Variants in PLCB1 observed in about 807,000 individuals in gnomAD.
PLCB1 encodes the protein phospholipase C beta 1, also known as 1-phosphatidylinositol 4,5-bisphosphate phosphodiesterase beta-1.
PLCB1 carries 46 observed loss-of-function variants against 161.8 expected under a neutral mutation model. That is an observed-to-expected ratio of 0.28 (90% CI 0.22 to 0.36). PLCB1 has a LOEUF of 0.36. Ranked by LOEUF, PLCB1 falls within the 10% of genes least tolerant of loss-of-function variation. The pLI, the probability that PLCB1 is intolerant of heterozygous loss-of-function variation, is 1.00. For synonymous variants in PLCB1, 517 were observed against 503.7 expected, an observed-to-expected ratio of 1.03 and a Z score of -0.35; for missense variants, 1,016 against 1,472.5, an observed-to-expected ratio of 0.69 and a Z score of 5.07.
intron 2 of PLCB1, 142 bp from the exon 3 acceptor site, chr20:8,371,240 A>T: frequency 3.4e-6 from 2 of 580,950 alleles, no homozygotes; most frequent in Non-Finnish European, 3.1e-6. Flanking sequence ...TTGAGAAGTG[A>T]TATAAGAGGA....
rs567284752 is a variant in PLCB1, at chr20:8,517,908, G to C, written c.247-110386G>C. On this transcript the variant is annotated intron_variant, in intron 3 of 31. Transcript: ENST00000338037. ...ATTAAAAGTTTATCTTCCTGGCTAG[G>C]CGTGGTGGCTCACACCTGTAATCCT... Among the ~76,000 whole-genome samples the C allele has an allele frequency of 3.9e-5, 6 of 152,292 alleles. No individual in the cohort carries two copies. In the South Asian group the frequency reaches 1.2e-3, roughly 32 times the overall value.
intron 31 of PLCB1, among the ~76,000 whole-genome samples, chr20:8,860,371 C>A (rs1987212943): frequency 6.6e-6 from 1 of 152,196 alleles, no homozygotes; most frequent in Non-Finnish European, 1.5e-5. Flanking sequence ...AACTCAGAGA[C>A]AAGTCCTACC....
intron 2 of PLCB1, among the ~76,000 whole-genome samples, chr20:8,157,970 A>C (rs1207156250): frequency 6.6e-6 from 1 of 152,232 alleles, no homozygotes. Flanking sequence ...AATATAATTT[A>C]ATTACAAAAT....
chr20:8,150,111 A>G (rs566409698), intron 1 of PLCB1, among the ~76,000 whole-genome samples, 183 bp from the exon 2 acceptor site: 5 of 152,220 alleles, frequency 3.3e-5, no homozygotes, highest in Admixed American at 2.0e-4. Context: ...TTAGGAAAGA[A>G]CCTCAGTTAC....
intron 2 of PLCB1, among the ~76,000 whole-genome samples, chr20:8,316,278 T>A (rs1984647198): frequency 6.6e-6 from 1 of 152,286 alleles, no homozygotes; most frequent in South Asian, 2.1e-4. Flanking sequence ...TATATGCTCT[T>A]AGACACATTT....
chr20:8,742,491 A>G (rs909139596), intron 23 of PLCB1, among the ~76,000 whole-genome samples: 1 of 152,164 alleles, frequency 6.6e-6, no homozygotes, highest in Non-Finnish European at 1.5e-5. Flanking sequence ...AGAAAATTTA[A>G]AACGTAAAAA....
At chr20:8,473,916 T>C (rs114728966) in intron 3 of PLCB1, among the ~76,000 whole-genome samples, 1,530 of 152,294 alleles carry the variant, frequency 0.01, 23 homozygotes, top group African/African-American at 0.033. Flanking sequence ...GTGCATTATC[T>C]TTAAAAACAA....
intron 2 of PLCB1, among the ~76,000 whole-genome samples, chr20:8,321,383 G>GC (rs1271746481): frequency 6.6e-6 from 1 of 152,060 alleles, no homozygotes; most frequent in Non-Finnish European, 1.5e-5. Context: ...TCGTTCATTT[G>GC]TTTTTCAGTC....
At position 8,882,343 on chromosome 20, in the gene PLCB1, TTC is replaced by T. The variant is rs1410997807; in HGVS notation, c.*495_*496del. 2 of 162,780 alleles carry T rather than the reference TTC, an allele frequency of 1.2e-5. No homozygotes were observed. Among genetic ancestry groups the T allele is most frequent in the African/African-American group, 4.8e-5 (2 of 41,500 alleles). 10.1% of individuals were successfully genotyped at this position (162,780 alleles called of 1,614,324 possible). A position where few individuals can be genotyped will look rare whatever the true frequency, so the allele number is the denominator to read the frequency against. On this transcript the variant is annotated 3_prime_UTR_variant, in exon 32 of 32. Coordinates refer to ENST00000338037, the MANE Select transcript of PLCB1 (RefSeq NM_015192.4). ...TTCAAGTCAACATGCATATTACATT[TTC>T]ATCCTTTGCTTTGCAAGCACTGGTG...
intron 3 of PLCB1, among the ~76,000 whole-genome samples, chr20:8,405,848 T>C (rs944686720): frequency 9.2e-5 from 14 of 152,238 alleles, no homozygotes; most frequent in Non-Finnish European, 1.8e-4. Flanking sequence ...CTCAAAGTTA[T>C]TTATAATCAT....
At chr20:8,135,986 A>G (rs2051342676) in intron 1 of PLCB1, among the ~76,000 whole-genome samples, 1 of 152,148 alleles carries the variant, frequency 6.6e-6, no homozygotes. Context: ...TGGGCAGGAC[A>G]TGGAGAGAAA....
At chr20:8,448,849 A>G (rs1049521149) in intron 3 of PLCB1, among the ~76,000 whole-genome samples, 3 of 152,184 alleles carry the variant, frequency 2.0e-5, no homozygotes, top group African/African-American at 7.2e-5. Flanking sequence ...GGTCACACAG[A>G]TGGCTTTGAG....
At position 8,616,643 on chromosome 20, in the gene PLCB1, A is replaced by G. The variant is rs139997637; in HGVS notation, c.247-11651A>G. 5.0e-3 allele frequency among the ~76,000 whole-genome samples: 764 copies of G among 152,272 alleles called. 4 individuals are homozygous for G. The highest frequency in any genetic ancestry group is 8.5e-3 in the Non-Finnish European group (577 of 68,018). ...GATAAATAGTAGGTGCTCAATAAAT[A>G]TTTGTTTACTGGATGAATAAAGACC... On this transcript the variant is annotated intron_variant, in intron 3 of 31. Transcript: ENST00000338037.
intron 3 of PLCB1, among the ~76,000 whole-genome samples, chr20:8,610,469 C>T (rs1477974258): frequency 6.6e-6 from 1 of 152,042 alleles, no homozygotes; most frequent in East Asian, 1.9e-4. Context: ...TTTGTGTGGA[C>T]ATGTTTTCAT....
chr20:8,637,644 G>T (rs1287509890), intron 4 of PLCB1, among the ~76,000 whole-genome samples: 1 of 152,080 alleles, frequency 6.6e-6, no homozygotes, highest in Non-Finnish European at 1.5e-5. Flanking sequence ...ACTGAAAAAA[G>T]AACTTAAAAA....
chr20:8,472,087 A>C (rs1982076668), intron 3 of PLCB1, among the ~76,000 whole-genome samples: 1 of 152,182 alleles, frequency 6.6e-6, no homozygotes, highest in Admixed American at 6.5e-5. Flanking sequence ...AAAAATAATT[A>C]TTTTTGATTT....
At chr20:8,441,887 T>C (rs1413140198) in intron 3 of PLCB1, among the ~76,000 whole-genome samples, 2 of 152,212 alleles carry the variant, frequency 1.3e-5, no homozygotes, top group Non-Finnish European at 1.5e-5. Flanking sequence ...AACTGTTACA[T>C]AGTTAATTCA....
intron 2 of PLCB1, among the ~76,000 whole-genome samples, chr20:8,265,367 C>G (rs577173036): frequency 6.6e-6 from 1 of 152,100 alleles, no homozygotes; most frequent in Non-Finnish European, 1.5e-5. Context: ...ATTCCACAAG[C>G]GAATGGCGAA....
intron 2 of PLCB1, among the ~76,000 whole-genome samples, chr20:8,312,127 G>A (rs1482368410): frequency 6.6e-6 from 1 of 152,130 alleles, no homozygotes; most frequent in Non-Finnish European, 1.5e-5. Context: ...GATTAGTTGG[G>A]AAGACTCACA....
Sources: gnomAD v4.1 joint callset for allele counts (sites outside exome capture counted in the v4.1 genomes callset) on GRCh38, gnomAD v4.1.1 for gene constraint, MANE v1.5 for transcripts, NCBI Gene and HGNC (gene_info 2026-07-23, HGNC 2026-07-21) for gene names.